Variants in ULK4 observed in about 807,000 individuals in gnomAD.
The protein encoded by ULK4 is unc-51 like kinase 4.
ULK4 carries 133 observed loss-of-function variants against 160.6 expected under a neutral mutation model. The ratio of observed to expected loss-of-function variants is 0.83; its 90% CI spans 0.72 to 0.96. The LOEUF (loss-of-function observed/expected upper bound fraction) is 0.96, where lower values mean the gene tolerates loss of function less well. ULK4 is among the 40% of genes least tolerant of loss of function. ULK4 has a pLI of 0.00. For synonymous variants in ULK4, 534 were observed against 539.8 expected (o/e 0.99, Z 0.15); for missense variants, 1,580 against 1,499.5 (o/e 1.05, Z -0.89).
intron 34 of ULK4, among the ~76,000 whole-genome samples, chr3:41,431,202 G>A (rs1322626061): frequency 6.6e-6 from 1 of 151,922 alleles, no homozygotes; most frequent in African/African-American, 2.4e-5. Context: ...ACAAAAATTA[G>A]CTGGGCGTAG....
At chr3:41,894,272 G>A (rs947561293) in intron 16 of ULK4, among the ~76,000 whole-genome samples, 1 of 152,158 alleles carries the variant, frequency 6.6e-6, no homozygotes. Flanking sequence ...AGCATACCAT[G>A]AGCCTTCTCA....
intron 21 of ULK4, among the ~76,000 whole-genome samples, chr3:41,765,054 T>G (rs1397044324): frequency 1.3e-5 from 2 of 152,182 alleles, no homozygotes; most frequent in African/African-American, 4.8e-5. Flanking sequence ...ATCTCATTAC[T>G]GGGTATATAC....
At chr3:41,709,560 T>C (rs1323676255) in intron 25 of ULK4, among the ~76,000 whole-genome samples, 1 of 152,106 alleles carries the variant, frequency 6.6e-6, no homozygotes, top group Non-Finnish European at 1.5e-5. Flanking sequence ...TTAATTTTTG[T>C]ACTTTTAGTA....
At chr3:41,465,233 T>C (rs1357853091) in intron 32 of ULK4, among the ~76,000 whole-genome samples, 1 of 152,212 alleles carries the variant, frequency 6.6e-6, no homozygotes, top group Non-Finnish European at 1.5e-5. Context: ...AATATTTTAT[T>C]ATGAAAACAA....
At chr3:41,535,804 A>G (rs2086477496) in intron 32 of ULK4, among the ~76,000 whole-genome samples, 2 of 152,216 alleles carry the variant, frequency 1.3e-5, no homozygotes, top group Non-Finnish European at 2.9e-5. Flanking sequence ...TTCAAGCCAC[A>G]TGGGCATCCC....
chr3:41,679,404 G>A (rs775680304), intron 29 of ULK4, among the ~76,000 whole-genome samples: 5 of 152,088 alleles, frequency 3.3e-5, no homozygotes, highest in East Asian at 1.9e-4. Flanking sequence ...AGGCTTATAC[G>A]CTACAACAGA....
At chr3:41,751,062 G>T (rs1232749316) in intron 22 of ULK4, among the ~76,000 whole-genome samples, 1 of 151,200 alleles carries the variant, frequency 6.6e-6, no homozygotes, top group Non-Finnish European at 1.5e-5. Context: ...GGGTCAGCCT[G>T]CTCTTCCCGT....
At chr3:41,785,352 T>C (rs2039969594) in intron 21 of ULK4, among the ~76,000 whole-genome samples, 1 of 152,222 alleles carries the variant, frequency 6.6e-6, no homozygotes, top group African/African-American at 2.4e-5. Flanking sequence ...GGTAAATGTG[T>C]GCATAAAATG....
rs140544254 is a variant in ULK4 at position 41,488,549 on chromosome 3, C to A, written c.3227-25296G>T. On this transcript the variant is annotated intron_variant, in intron 32 of 36. Coordinates refer to ENST00000301831, the MANE Select transcript of ULK4 (RefSeq NM_017886.4). ...ATTACTTTTGTGACTGGAAAAGATA[C>A]AGATATTTAACATCTTGCAAAGAAT... Among the ~76,000 whole-genome samples, 252 of 152,262 alleles carry A rather than the reference C, an allele frequency of 1.7e-3. 1 individual carries two copies. Among genetic ancestry groups the A allele is most frequent in the African/African-American group, 5.9e-3 (244 of 41,548 alleles).
At chr3:41,599,568 T>TC (rs1342201560) in intron 31 of ULK4, among the ~76,000 whole-genome samples, 1 of 144,708 alleles carries the variant, frequency 6.9e-6, no homozygotes, top group Non-Finnish European at 1.5e-5. Flanking sequence ...TCTTTTTCTT[T>TC]TTTTTTTTTT....
At chr3:41,687,101 G>A (rs988668362) in intron 27 of ULK4, among the ~76,000 whole-genome samples, 8 of 151,928 alleles carry the variant, frequency 5.3e-5, no homozygotes, top group Non-Finnish European at 7.4e-5. Context: ...TAGGCTGGGC[G>A]TAGTGGTTCA....
chr3:41,949,353 T>C (rs1700215004), intron 2 of ULK4, among the ~76,000 whole-genome samples: 1 of 150,566 alleles, frequency 6.6e-6, no homozygotes, highest in Non-Finnish European at 1.5e-5. Context: ...AAAGTTTCCA[T>C]AAAATAAACT....
chr3:41,820,184 C>T (rs17063599), intron 18 of ULK4, among the ~76,000 whole-genome samples: 38,740 of 152,012 alleles, frequency 0.25, 6,114 homozygotes, highest in African/African-American at 0.45. Flanking sequence ...ACGGAACATA[C>T]TCAAGATTGT....
At chr3:41,462,106 T>G (rs1305672848) in intron 33 of ULK4, among the ~76,000 whole-genome samples, 3 of 152,206 alleles carry the variant, frequency 2.0e-5, no homozygotes, top group African/African-American at 7.2e-5. Context: ...TAATATTTGT[T>G]GAGGGGATCT....
chr3:41,571,230 A>T (rs2087960755), intron 31 of ULK4, among the ~76,000 whole-genome samples: 1 of 152,028 alleles, frequency 6.6e-6, no homozygotes, highest in South Asian at 2.1e-4. Context: ...GCGGAGGGAG[A>T]CCTTGGAGCA....
At chr3:41,797,043 C>A (rs1423359998) in intron 20 of ULK4, among the ~76,000 whole-genome samples, 1 of 152,040 alleles carries the variant, frequency 6.6e-6, no homozygotes, top group Admixed American at 6.6e-5. Flanking sequence ...ACATTACAAC[C>A]CACTGAATAA....
chr3:41,564,341 G>A (rs2087710107), intron 32 of ULK4, among the ~76,000 whole-genome samples: 1 of 152,072 alleles, frequency 6.6e-6, no homozygotes, highest in African/African-American at 2.4e-5. Context: ...AGGGGGTCAG[G>A]GACCCACTTG....
chr3:41,948,201 G>A (rs1282701983), intron 2 of ULK4, among the ~76,000 whole-genome samples: 2 of 152,014 alleles, frequency 1.3e-5, no homozygotes, highest in Admixed American at 1.3e-4. Flanking sequence ...CTGTAATCCC[G>A]GCATTTCGGG....
chr3:41,491,118 A>G (rs1156942735), intron 32 of ULK4, among the ~76,000 whole-genome samples: 1 of 152,248 alleles, frequency 6.6e-6, no homozygotes, highest in East Asian at 1.9e-4. Context: ...ATAAATACTT[A>G]AAACACTATT....
Sources: gnomAD v4.1 joint callset for allele counts (sites outside exome capture counted in the v4.1 genomes callset) on GRCh38, gnomAD v4.1.1 for gene constraint, MANE v1.5 for transcripts, NCBI Gene and HGNC (gene_info 2026-07-23, HGNC 2026-07-21) for gene names.